Variants in MTNAP1 observed in about 807,000 individuals in gnomAD.
MTNAP1 encodes the protein mitochondrial nucleoid-associated protein 1.
chr17:73,246,745 T>C, the MTNAP1 span, among the ~76,000 whole-genome samples: 1 of 152,224 alleles, frequency 6.6e-6, no homozygotes, highest in Non-Finnish European at 1.5e-5. Flanking sequence ...TATCCCTGTA[T>C]CCTAGAATTC....
At chr17:73,247,374 C>G in the MTNAP1 span, 1 of 1,609,678 alleles carries the variant, frequency 6.2e-7, no homozygotes, top group Non-Finnish European at 8.5e-7. Context: ...GCCTTCGTGA[C>G]TTCTCTCTAG....
At chr17:73,239,531 T>TTC in the MTNAP1 span, among the ~76,000 whole-genome samples, 9,292 of 150,778 alleles carry the variant, frequency 0.062, 400 homozygotes, top group Middle Eastern at 0.091. Context: ...TTTTTTTTTT[T>TTC]TTCTTGAGAC....
chr17:73,234,931 T>G, the MTNAP1 span, among the ~76,000 whole-genome samples: 3 of 152,128 alleles, frequency 2.0e-5, no homozygotes, highest in Non-Finnish European at 2.9e-5. Context: ...AACCTTTGGC[T>G]GGGCGTGGGC....
the MTNAP1 span, chr17:73,233,031 G>A: frequency 6.5e-6 from 1 of 152,764 alleles, no homozygotes; most frequent in Non-Finnish European, 1.5e-5. Flanking sequence ...AGGAGGGAAA[G>A]GCGGCTGGAG....
the MTNAP1 span, chr17:73,245,683 G>A: frequency 4.1e-6 from 4 of 985,384 alleles, no homozygotes; most frequent in Non-Finnish European, 4.8e-6. Flanking sequence ...ATCTTGATAA[G>A]GTGTGAGAAA....
chr17:73,236,082 C>T, the MTNAP1 span: 1 of 1,614,024 alleles, frequency 6.2e-7, no homozygotes, highest in Non-Finnish European at 8.5e-7. Flanking sequence ...TACAAACTAC[C>T]TCTGGTGATC....
chr17:73,233,723 G>A, the MTNAP1 span, among the ~76,000 whole-genome samples: 1 of 152,178 alleles, frequency 6.6e-6, no homozygotes, highest in African/African-American at 2.4e-5. Flanking sequence ...AATTAGCTGG[G>A]CGTGGTGGCG....
chr17:73,245,308 G>GA, the MTNAP1 span: 41 of 1,410,096 alleles, frequency 2.9e-5, no homozygotes, highest in African/African-American at 5.3e-4. Flanking sequence ...AGAGGGGAGT[G>GA]AAAAAAATAA....
the MTNAP1 span, among the ~76,000 whole-genome samples, chr17:73,235,010 G>C: frequency 3.3e-5 from 5 of 152,044 alleles, no homozygotes; most frequent in Admixed American, 2.6e-4. Flanking sequence ...GAGCTCAGGA[G>C]TTCGAGACCA....
At chr17:73,244,874 G>C in the MTNAP1 span, among the ~76,000 whole-genome samples, 1 of 151,656 alleles carries the variant, frequency 6.6e-6, no homozygotes. Context: ...CATGGGTGAG[G>C]AAAAGAAGTG....
At chr17:73,248,901 G>T in the MTNAP1 span, 1 of 194,502 alleles carries the variant, frequency 5.1e-6, no homozygotes, top group South Asian at 1.0e-4. Flanking sequence ...TACTTTATGG[G>T]GCATCTACAT....
At chr17:73,240,587 C>G in the MTNAP1 span, among the ~76,000 whole-genome samples, 8 of 152,374 alleles carry the variant, frequency 5.3e-5, no homozygotes, top group South Asian at 2.1e-4. Context: ...TTATTGGAAT[C>G]TTTGCACAAG....
chr17:73,235,678 A>G, the MTNAP1 span: 1 of 1,614,182 alleles, frequency 6.2e-7, no homozygotes, highest in Non-Finnish European at 8.5e-7. Flanking sequence ...AATTAAAGCT[A>G]AAGGGAAAGA....
At chr17:73,246,082 T>G in the MTNAP1 span, among the ~76,000 whole-genome samples, 128 of 152,284 alleles carry the variant, frequency 8.4e-4, no homozygotes, top group African/African-American at 2.9e-3. Flanking sequence ...TTGAGGAAAT[T>G]TAGGCAACGT....
At chr17:73,234,627 G>A in the MTNAP1 span, among the ~76,000 whole-genome samples, 4 of 140,344 alleles carry the variant, frequency 2.9e-5, no homozygotes, top group African/African-American at 1.1e-4. Context: ...GGAAATGGAG[G>A]TTTCAGTGAG....
the MTNAP1 span, among the ~76,000 whole-genome samples, chr17:73,234,327 T>C: frequency 6.6e-6 from 1 of 152,068 alleles, no homozygotes; most frequent in South Asian, 2.1e-4. Flanking sequence ...AAATGTTTTT[T>C]TTTTAATTTT....
At chr17:73,239,451 C>A in the MTNAP1 span, among the ~76,000 whole-genome samples, 1 of 151,916 alleles carries the variant, frequency 6.6e-6, no homozygotes, top group African/African-American at 2.4e-5. Context: ...ATTTAATCCT[C>A]ATAACAGCTC....
the MTNAP1 span, chr17:73,236,883 G>A: frequency 1.2e-6 from 2 of 1,614,058 alleles, no homozygotes; most frequent in Non-Finnish European, 1.7e-6. Context: ...GGTTTCCAGA[G>A]CTCTATCCTG....
chr17:73,248,705 T>A, the MTNAP1 span: 1 of 698,552 alleles, frequency 1.4e-6, no homozygotes, highest in Non-Finnish European at 2.5e-6. Context: ...CGGACATGCC[T>A]GAATACCCCG....
Sources: allele counts gnomAD v4.1 joint callset (sites outside exome capture counted in the v4.1 genomes callset), GRCh38; gene constraint gnomAD v4.1.1; transcripts MANE v1.5; gene names NCBI Gene and HGNC (gene_info 2026-07-23, HGNC 2026-07-21).